The following AK5 variants were observed in gnomAD, a reference collection of about 807,000 sequenced individuals.
The protein encoded by AK5 is adenylate kinase 5.
Under a neutral mutation model 69.5 loss-of-function variants are expected in AK5, and 27 were observed. That is an observed-to-expected ratio of 0.39 (90% CI 0.29 to 0.54). The LOEUF (loss-of-function observed/expected upper bound fraction) is 0.54, where lower values mean the gene tolerates loss of function less well. AK5 is among the 20% of genes least tolerant of loss of function. AK5 has a pLI of 0.71. For synonymous variants in AK5, 260 were observed against 244.4 expected (o/e 1.06, Z -0.60); for missense variants, 531 against 700.4 (o/e 0.76, Z 2.73).
intron 6 of AK5, among the ~76,000 whole-genome samples, chr1:77,391,074 G>C (rs1648390683): frequency 1.3e-5 from 2 of 152,318 alleles, no homozygotes; most frequent in Admixed American, 1.3e-4. Flanking sequence ...TGTTGAGGGA[G>C]TTCTCTCAGA....
intron 6 of AK5, among the ~76,000 whole-genome samples, chr1:77,343,460 G>T (rs1197877879): frequency 6.6e-6 from 1 of 152,170 alleles, no homozygotes; most frequent in Admixed American, 6.5e-5. Context: ...TGGAGACAGT[G>T]TTACCTACCT....
At chr1:77,297,469 G>A in intron 3 of AK5, 90 bp from the exon 4 acceptor site, 9 of 1,265,594 alleles carry the variant, frequency 7.1e-6, no homozygotes, top group Non-Finnish European at 9.8e-6. Flanking sequence ...TGGTGACACA[G>A]AATTTGCATC....
intron 2 of AK5, among the ~76,000 whole-genome samples, chr1:77,287,894 T>TA (rs1334129579): frequency 3.3e-5 from 5 of 152,346 alleles, no homozygotes; most frequent in African/African-American, 1.2e-4. Context: ...CAGCTATTGT[T>TA]ACAGGCGCAT....
intron 8 of AK5, among the ~76,000 whole-genome samples, chr1:77,433,488 T>C (rs1014723323): frequency 4.6e-5 from 7 of 152,324 alleles, no homozygotes; most frequent in African/African-American, 1.7e-4. Flanking sequence ...AATTTAAATA[T>C]GACAATTTAG....
At chr1:77,307,319 T>A (rs1372992040) in intron 5 of AK5, among the ~76,000 whole-genome samples, 1 of 151,362 alleles carries the variant, frequency 6.6e-6, no homozygotes, top group African/African-American at 2.4e-5. Context: ...TGTTTGAAAA[T>A]TTTTTTCAGT....
At chr1:77,495,312 G>T (rs761946773) in intron 10 of AK5, among the ~76,000 whole-genome samples, 2 of 152,228 alleles carry the variant, frequency 1.3e-5, no homozygotes, top group East Asian at 3.8e-4. Flanking sequence ...TGTAGGTGAA[G>T]TTGTGGGAAT....
intron 10 of AK5, among the ~76,000 whole-genome samples, chr1:77,502,862 A>G (rs1656803430): frequency 6.6e-6 from 1 of 152,050 alleles, no homozygotes; most frequent in African/African-American, 2.4e-5. Context: ...CTCTTGGACT[A>G]CTCACCAAAG....
chr1:77,373,613 C>G lies in AK5; in HGVS notation c.891+33045C>G, dbSNP rs377373896. On this transcript the variant is annotated intron_variant, in intron 6 of 13. Coordinates refer to ENST00000354567, the MANE Select transcript of AK5 (RefSeq NM_174858.3). ...TGGTGGCAGGAGCTTGTAATCCCAG[C>G]TACTCGGGAGGCTGAGGCAGAACAA... is the stretch of plus-strand genomic sequence containing the variant. Among the ~76,000 whole-genome samples, 8 of 152,140 alleles carry G rather than the reference C, an allele frequency of 5.3e-5. No homozygotes were observed. In the East Asian group the frequency reaches 9.7e-4, roughly 18 times the overall value.
intron 7 of AK5, among the ~76,000 whole-genome samples, chr1:77,413,461 A>G (rs1570528121): frequency 6.6e-6 from 1 of 152,066 alleles, no homozygotes. Flanking sequence ...GACTTTTCTT[A>G]GAGACTACCA....
At chr1:77,348,336 G>A (rs1662015389) in intron 6 of AK5, among the ~76,000 whole-genome samples, 1 of 152,128 alleles carries the variant, frequency 6.6e-6, no homozygotes, top group Admixed American at 6.5e-5. Context: ...CCACCTATGA[G>A]TGAGTTTTGT....
At chr1:77,287,901 G>T (rs532368133) in intron 2 of AK5, among the ~76,000 whole-genome samples, 1 of 152,282 alleles carries the variant, frequency 6.6e-6, no homozygotes, top group South Asian at 2.1e-4. Context: ...TGTTACAGGC[G>T]CATACTCCTA....
At chr1:77,289,651 G>A (rs1296672555) in intron 2 of AK5, among the ~76,000 whole-genome samples, 1 of 152,086 alleles carries the variant, frequency 6.6e-6, no homozygotes, top group Non-Finnish European at 1.5e-5. Flanking sequence ...AGATAGGCAT[G>A]TGTCAATAGA....
intron 6 of AK5, among the ~76,000 whole-genome samples, chr1:77,375,720 A>G (rs942378941): frequency 2.0e-5 from 3 of 152,138 alleles, no homozygotes; most frequent in Non-Finnish European, 4.4e-5. Context: ...ACAGCCACAC[A>G]ATAGAATGCA....
chr1:77,479,548 C>T (rs1655136980), intron 8 of AK5, among the ~76,000 whole-genome samples: 1 of 152,058 alleles, frequency 6.6e-6, no homozygotes, highest in Non-Finnish European at 1.5e-5. Context: ...GCAGCTTCTC[C>T]CACCTTAACA....
At chr1:77,356,669 G>A (rs1362519022) in intron 6 of AK5, among the ~76,000 whole-genome samples, 1 of 152,158 alleles carries the variant, frequency 6.6e-6, no homozygotes, top group Non-Finnish European at 1.5e-5. Flanking sequence ...CACAGAAAAA[G>A]CACTAACAAG....
At chr1:77,385,427 G>A (rs1647953855) in intron 6 of AK5, among the ~76,000 whole-genome samples, 1 of 152,120 alleles carries the variant, frequency 6.6e-6, no homozygotes, top group Non-Finnish European at 1.5e-5. Context: ...CCAAAGTGGT[G>A]GGATTACAGG....
intron 1 of AK5, among the ~76,000 whole-genome samples, chr1:77,284,410 C>G (rs890640549): frequency 6.6e-5 from 10 of 152,188 alleles, no homozygotes; most frequent in African/African-American, 2.4e-4. Flanking sequence ...ATTTTAGACG[C>G]TATTACAGAC....
intron 2 of AK5, among the ~76,000 whole-genome samples, chr1:77,291,523 T>C (rs927185676): frequency 2.0e-5 from 3 of 152,190 alleles, no homozygotes; most frequent in Admixed American, 6.5e-5. Flanking sequence ...CCACTGGCTT[T>C]CTACTAGATT....
At chr1:77,407,537 T>TG (rs1164947854) in intron 6 of AK5, among the ~76,000 whole-genome samples, 2 of 152,094 alleles carry the variant, frequency 1.3e-5, no homozygotes, top group African/African-American at 4.8e-5. Context: ...GAGGAGTCTT[T>TG]GGGGGGTGAT....
Sources: gnomAD v4.1 joint callset for allele counts (sites outside exome capture counted in the v4.1 genomes callset) on GRCh38, gnomAD v4.1.1 for gene constraint, MANE v1.5 for transcripts, NCBI Gene and HGNC (gene_info 2026-07-23, HGNC 2026-07-21) for gene names.